The following FAM3C variants were observed in gnomAD, a reference collection of about 807,000 sequenced individuals.
The protein encoded by FAM3C is protein FAM3C.
FAM3C carries 15 observed loss-of-function variants against 32.5 expected under a neutral mutation model. The ratio of observed to expected loss-of-function variants is 0.46; its 90% CI spans 0.31 to 0.71. The LOEUF is 0.71. Ranked by LOEUF, FAM3C falls within the 30% of genes least tolerant of loss-of-function variation. FAM3C has a pLI of 0.05. For synonymous variants in FAM3C, 75 were observed against 86.1 expected, an observed-to-expected ratio of 0.87 and a Z score of 0.72; for missense variants, 175 against 274.4, an observed-to-expected ratio of 0.64 and a Z score of 2.56.
chr7:121,375,556 A>G (rs1354727503), intron 3 of FAM3C, among the ~76,000 whole-genome samples: 1 of 152,198 alleles, frequency 6.6e-6, no homozygotes, highest in East Asian at 1.9e-4. Flanking sequence ...AGATGAGAAG[A>G]GAAAGGAACA....
chr7:121,395,318 CAT>C (rs200037255), intron 1 of FAM3C, among the ~76,000 whole-genome samples: 1 of 143,936 alleles, frequency 6.9e-6, no homozygotes, highest in Non-Finnish European at 1.5e-5. Flanking sequence ...TACATACATA[CAT>C]ATATATATAT....
chr7:121,353,982 T>G (rs146603980), intron 8 of FAM3C, among the ~76,000 whole-genome samples: 1 of 152,344 alleles, frequency 6.6e-6, no homozygotes, highest in East Asian at 1.9e-4. Context: ...AACTACAGTT[T>G]TATAACAAGA....
At chr7:121,353,031 G>A (rs1036934500) in intron 8 of FAM3C, among the ~76,000 whole-genome samples, 1 of 152,118 alleles carries the variant, frequency 6.6e-6, no homozygotes, top group African/African-American at 2.4e-5. Context: ...AGGCTTTGGG[G>A]TTCCATTCAC....
chr7:121,386,696 T>C (rs960580238), intron 1 of FAM3C, among the ~76,000 whole-genome samples: 139 of 147,874 alleles, frequency 9.4e-4, no homozygotes, highest in African/African-American at 3.0e-3. Flanking sequence ...CGCACACATA[T>C]ATATATATAT....
At chr7:121,364,359 T>G (rs1226999355) in intron 5 of FAM3C, 171 bp from the exon 6 acceptor site, 2 of 500,742 alleles carry the variant, frequency 4.0e-6, no homozygotes, top group Non-Finnish European at 7.1e-6. Context: ...AGTCTAATAC[T>G]GAATAATTTT....
intron 1 of FAM3C, among the ~76,000 whole-genome samples, chr7:121,387,404 T>C (rs1488584695): frequency 6.6e-6 from 1 of 152,178 alleles, no homozygotes; most frequent in African/African-American, 2.4e-5. Flanking sequence ...AACTTCCACA[T>C]GGCTTTGACA....
At chr7:121,382,070 C>T (rs1237193039) in intron 2 of FAM3C, among the ~76,000 whole-genome samples, 1 of 152,022 alleles carries the variant, frequency 6.6e-6, no homozygotes, top group Non-Finnish European at 1.5e-5. Flanking sequence ...TTACAAGTTA[C>T]CTATGTTGGG....
intron 8 of FAM3C, among the ~76,000 whole-genome samples, chr7:121,358,620 A>G (rs1427932386): frequency 6.6e-6 from 1 of 152,080 alleles, no homozygotes; most frequent in Non-Finnish European, 1.5e-5. Flanking sequence ...ATAAAGCCAA[A>G]TCTACATAAG....
intron 7 of FAM3C, among the ~76,000 whole-genome samples, chr7:121,362,005 ATG>A (rs1361690558): frequency 2.0e-5 from 3 of 152,162 alleles, no homozygotes; most frequent in Non-Finnish European, 4.4e-5. Flanking sequence ...AGCTGAAGAT[ATG>A]TTGGAAAAGC....
At chr7:121,357,220 C>G (rs913844527) in intron 8 of FAM3C, among the ~76,000 whole-genome samples, 34 of 151,804 alleles carry the variant, frequency 2.2e-4, no homozygotes, top group African/African-American at 8.0e-4. Flanking sequence ...TCAGAGACGA[C>G]GAGAGAGAGA....
At chr7:121,395,797 A>G (rs1295931351) in intron 1 of FAM3C, among the ~76,000 whole-genome samples, 1 of 152,028 alleles carries the variant, frequency 6.6e-6, no homozygotes, top group African/African-American at 2.4e-5. Flanking sequence ...CTCAGCCTAC[A>G]CGCTGCAGGG....
At chr7:121,351,038 T>C in intron 9 of FAM3C, 105 bp downstream of exon 9, 1 of 1,009,812 alleles carries the variant, frequency 9.9e-7, no homozygotes, top group Non-Finnish European at 1.5e-6. Flanking sequence ...TATGATCATA[T>C]TTACTATCCG....
chr7:121,358,890 G>C (rs1018041695), intron 8 of FAM3C, among the ~76,000 whole-genome samples: 3 of 151,104 alleles, frequency 2.0e-5, no homozygotes, highest in African/African-American at 7.3e-5. Flanking sequence ...TTTTACATTA[G>C]AAATGGTTAA....
rs758326413 is a variant in FAM3C, at chr7:121,372,143, A to G, written c.119-4T>C. ...GCTGTGTCCAATGCTGATCTTGCTGAAAAAAAAAAATTACTTTTGTTAGAA... is the reference window on the plus strand; with the variant it reads ...GCTGTGTCCAATGCTGATCTTGCTGGAAAAAAAAAATTACTTTTGTTAGAA... On this transcript the variant is annotated splice_region_variant and splice_polypyrimidine_tract_variant and intron_variant, in intron 3 of 9. Transcript: ENST00000359943. The G allele has an allele frequency of 1.1e-5, 14 of 1,220,240 alleles. No homozygotes were observed. The highest frequency in any genetic ancestry group is 4.3e-5 in the Admixed American group (2 of 46,240). The allele number at this position is 1,220,240 out of a possible 1,614,324, so 75.6% of individuals were successfully genotyped here.
intron 3 of FAM3C, among the ~76,000 whole-genome samples, chr7:121,373,995 C>CAAAAA (rs34141050): frequency 9.3e-6 from 1 of 107,028 alleles, no homozygotes; most frequent in Non-Finnish European, 2.0e-5. Flanking sequence ...GACTCCGTCT[C>CAAAAA]AAAAAAAAAA....
At chr7:121,356,055 C>G (rs1793802014) in intron 8 of FAM3C, among the ~76,000 whole-genome samples, 1 of 148,862 alleles carries the variant, frequency 6.7e-6, no homozygotes, top group African/African-American at 2.5e-5. Context: ...AAAAAAAAGG[C>G]CTGAGATCAA....
At chr7:121,387,160 A>C (rs937611176) in intron 1 of FAM3C, among the ~76,000 whole-genome samples, 1 of 152,126 alleles carries the variant, frequency 6.6e-6, no homozygotes, top group African/African-American at 2.4e-5. Flanking sequence ...CTGAAATTTA[A>C]ATTTCATAAA....
At chr7:121,389,566 C>A (rs1794536069) in intron 1 of FAM3C, among the ~76,000 whole-genome samples, 1 of 152,096 alleles carries the variant, frequency 6.6e-6, no homozygotes, top group East Asian at 1.9e-4. Flanking sequence ...TCATTCAGTA[C>A]CCAATATGCC....
intron 2 of FAM3C, among the ~76,000 whole-genome samples, chr7:121,381,932 G>A (rs538603468): frequency 1.3e-5 from 2 of 152,248 alleles, no homozygotes; most frequent in South Asian, 2.1e-4. Context: ...TATGACCACA[G>A]TATGAAGACT....
Sources: allele counts gnomAD v4.1 joint callset (sites outside exome capture counted in the v4.1 genomes callset), GRCh38; gene constraint gnomAD v4.1.1; transcripts MANE v1.5; gene names NCBI Gene and HGNC (gene_info 2026-07-23, HGNC 2026-07-21).